The following CACNA2D3 variants were observed in gnomAD, a reference collection of about 807,000 sequenced individuals.
CACNA2D3 encodes calcium voltage-gated channel auxiliary subunit alpha2delta 3.
In CACNA2D3, 60 loss-of-function variants were observed where a neutral mutation model predicts 160.6. The observed-to-expected ratio is 0.37, with a 90% CI of 0.30 to 0.46. CACNA2D3 has a LOEUF of 0.46. Among genes scored for constraint, CACNA2D3 ranks in the 20% least tolerant of loss-of-function variants. The probability of loss-of-function intolerance (pLI) is 1.00; values close to 1 mark genes in which losing one functional copy is unlikely to be tolerated. For missense variants in CACNA2D3, 1,205 were observed against 1,365.0 expected, an observed-to-expected ratio of 0.88 and a Z score of 1.85; for synonymous variants, 558 against 492.9, an observed-to-expected ratio of 1.13 and a Z score of -1.75.
chr3:54,491,810 T>A (rs1022596361), intron 4 of CACNA2D3, among the ~76,000 whole-genome samples: 1 of 152,118 alleles, frequency 6.6e-6, no homozygotes, highest in Non-Finnish European at 1.5e-5. Context: ...ATCTGGATAG[T>A]TCTTTGCAGA....
intron 4 of CACNA2D3, among the ~76,000 whole-genome samples, chr3:54,400,289 C>T (rs4974365): frequency 0.057 from 8,716 of 151,740 alleles, 310 homozygotes; most frequent in Middle Eastern, 0.095. Flanking sequence ...AGCTGTAGAC[C>T]GGAGCTGTTC....
At chr3:54,387,827 G>C (rs1482472489) in intron 4 of CACNA2D3, among the ~76,000 whole-genome samples, 2 of 152,110 alleles carry the variant, frequency 1.3e-5, no homozygotes, top group African/African-American at 4.8e-5. Flanking sequence ...TTCTTTTAGT[G>C]GCATGTGGTC....
At chr3:54,626,213 A>C in intron 9 of CACNA2D3, 1 of 865,014 alleles carries the variant, frequency 1.2e-6, no homozygotes, top group South Asian at 1.5e-5. Flanking sequence ...GGATCCGGCA[A>C]GATGGCAGAA....
intron 2 of CACNA2D3, among the ~76,000 whole-genome samples, chr3:54,169,016 G>A (rs188738245): frequency 6.6e-6 from 1 of 152,304 alleles, no homozygotes; most frequent in East Asian, 1.9e-4. Flanking sequence ...GATTGAAATA[G>A]ATGTTTGAGG....
At chr3:54,483,101 A>G (rs920221959) in intron 4 of CACNA2D3, among the ~76,000 whole-genome samples, 2 of 152,224 alleles carry the variant, frequency 1.3e-5, no homozygotes, top group Non-Finnish European at 2.9e-5. Context: ...ATGGCTTGGC[A>G]TTGAGAGCAT....
At chr3:54,193,512 A>T (rs1701018733) in intron 2 of CACNA2D3, among the ~76,000 whole-genome samples, 1 of 152,224 alleles carries the variant, frequency 6.6e-6, no homozygotes. Flanking sequence ...ATATTTTCAA[A>T]CATTATCTCA....
intron 5 of CACNA2D3, among the ~76,000 whole-genome samples, chr3:54,510,697 G>A (rs1029336197): frequency 1.3e-5 from 2 of 152,146 alleles, no homozygotes; most frequent in Non-Finnish European, 2.9e-5. Context: ...AGTGCTATGA[G>A]TATCAGCATG....
chr3:54,991,308 C>T (rs562757916), intron 31 of CACNA2D3, among the ~76,000 whole-genome samples: 29 of 151,892 alleles, frequency 1.9e-4, no homozygotes, highest in Admixed American at 7.2e-4. Context: ...CTGCAACCAC[C>T]GCCTTCTGGG....
chr3:54,918,962 C>A, intron 27 of CACNA2D3: 1 of 1,307,106 alleles, frequency 7.7e-7, no homozygotes, highest in Non-Finnish European at 1.0e-6. Context: ...CCTCTGCCTG[C>A]AAAAACTTAG....
At chr3:55,063,340 C>T (rs941954853) in intron 35 of CACNA2D3, among the ~76,000 whole-genome samples, 1 of 151,278 alleles carries the variant, frequency 6.6e-6, no homozygotes, top group Non-Finnish European at 1.5e-5. Flanking sequence ...AATTCTAGAC[C>T]AGACAGTCTC....
intron 5 of CACNA2D3, among the ~76,000 whole-genome samples, chr3:54,522,937 C>CTTAA (rs1701669147): frequency 7.7e-6 from 1 of 129,150 alleles, no homozygotes; most frequent in African/African-American, 2.8e-5. Flanking sequence ...TATTTATTTA[C>CTTAA]TTACTTACTT....
Position 54,477,129 on chromosome 3 carries a change from G to A in CACNA2D3, c.382-26363G>A, listed in dbSNP as rs568930553. Among the ~76,000 whole-genome samples the A allele has an allele frequency of 5.7e-4, 87 of 152,240 alleles. 1 individual carries two copies. Among genetic ancestry groups the A allele is most frequent in the African/African-American group, 1.8e-3 (74 of 41,528 alleles). On this transcript the variant is annotated intron_variant, in intron 4 of 37. Coordinates refer to ENST00000474759, the MANE Select transcript of CACNA2D3 (RefSeq NM_018398.3). The stretch of plus-strand genomic sequence containing the variant: ...CAGTAAATACTATCAAGATAACTTG[G>A]GCTTGTGGGAATGATACCAACAGAT...
intron 3 of CACNA2D3, among the ~76,000 whole-genome samples, chr3:54,367,295 A>G (rs1474801772): frequency 6.6e-6 from 1 of 152,160 alleles, no homozygotes; most frequent in African/African-American, 2.4e-5. Context: ...GTTAAATTAC[A>G]AAAAGGCAGA....
intron 27 of CACNA2D3, among the ~76,000 whole-genome samples, chr3:54,930,142 C>T (rs9874271): frequency 0.026 from 3,987 of 152,244 alleles, 189 homozygotes; most frequent in African/African-American, 0.091. Context: ...TTTACAAAAA[C>T]AGGTAGAGGC....
chr3:54,181,557 T>C (rs1468571631), intron 2 of CACNA2D3, among the ~76,000 whole-genome samples: 1 of 152,170 alleles, frequency 6.6e-6, no homozygotes, highest in African/African-American at 2.4e-5. Flanking sequence ...AACATAGACC[T>C]CCATTAGAAA....
chr3:54,831,097 T>C (rs965085946), intron 14 of CACNA2D3, among the ~76,000 whole-genome samples: 16 of 152,142 alleles, frequency 1.1e-4, no homozygotes, highest in African/African-American at 3.4e-4. Context: ...AGAAGAAATA[T>C]GATATTTGAT....
intron 11 of CACNA2D3, among the ~76,000 whole-genome samples, chr3:54,706,915 T>G (rs1700865870): frequency 6.6e-6 from 1 of 152,234 alleles, no homozygotes; most frequent in Non-Finnish European, 1.5e-5. Flanking sequence ...ATCACTCTGT[T>G]CCCTACCTCT....
intron 27 of CACNA2D3, among the ~76,000 whole-genome samples, chr3:54,957,917 C>G (rs1203605745): frequency 2.0e-5 from 3 of 152,188 alleles, no homozygotes; most frequent in African/African-American, 7.2e-5. Flanking sequence ...AGAACCTTTT[C>G]ATTGCTCTCT....
At chr3:54,464,442 C>T (rs6796892) in intron 4 of CACNA2D3, among the ~76,000 whole-genome samples, 71,286 of 152,084 alleles carry the variant, frequency 0.47, 17,489 homozygotes, top group Non-Finnish European at 0.54. Context: ...TCGAGCTTCC[C>T]GGCTGCTTTG....
Sources: allele counts gnomAD v4.1 joint callset (sites outside exome capture counted in the v4.1 genomes callset), GRCh38; gene constraint gnomAD v4.1.1; transcripts MANE v1.5; gene names NCBI Gene and HGNC (gene_info 2026-07-23, HGNC 2026-07-21).